Variants in SERPINB12 observed in about 807,000 individuals in gnomAD.
SERPINB12 encodes the protein serpin family B member 12.
In SERPINB12, 57 loss-of-function variants were observed where a neutral mutation model predicts 41.1. That is an observed-to-expected ratio of 1.39 (90% CI 1.12 to 1.73). The LOEUF (loss-of-function observed/expected upper bound fraction) is 1.73, where lower values mean the gene tolerates loss of function less well. Among genes scored for constraint, SERPINB12 ranks in the 40% most tolerant of loss-of-function variants. The pLI, the probability that SERPINB12 is intolerant of heterozygous loss-of-function variation, is 0.00. For synonymous variants in SERPINB12, 180 were observed against 181.3 expected, an observed-to-expected ratio of 0.99 and a Z score of 0.06; for missense variants, 536 against 501.9, an observed-to-expected ratio of 1.07 and a Z score of -0.65.
intron 5 of SERPINB12, among the ~76,000 whole-genome samples, chr18:63,561,513 A>T (rs1910910292): frequency 1.3e-5 from 2 of 152,276 alleles, no homozygotes; most frequent in South Asian, 4.1e-4. Context: ...CAGAGCTGTC[A>T]TTCGACCCAG....
At chr18:63,543,598 A>AT (rs1048622227) in intron 1 of SERPINB12, among the ~76,000 whole-genome samples, 32 of 74,176 alleles carry the variant, frequency 4.3e-4, no homozygotes, top group Admixed American at 1.1e-3. Flanking sequence ...ATTTTTATTT[A>AT]TTTTTTTTTT....
intron 1 of SERPINB12, among the ~76,000 whole-genome samples, chr18:63,545,212 TA>T (rs1487223144): frequency 1.5e-4 from 23 of 151,606 alleles, no homozygotes; most frequent in Admixed American, 2.6e-4. Context: ...GACATAGAAC[TA>T]TTTTTTTTTT....
chr18:63,564,804 G>C (rs1036899819), intron 6 of SERPINB12, among the ~76,000 whole-genome samples: 6 of 152,196 alleles, frequency 3.9e-5, no homozygotes, highest in Non-Finnish European at 8.8e-5. Context: ...CCCTACAGTG[G>C]GACAGCTGGC....
the SERPINB12 span, among the ~76,000 whole-genome samples, chr18:63,530,095 A>T: frequency 6.6e-6 from 1 of 152,070 alleles, no homozygotes; most frequent in Non-Finnish European, 1.5e-5. Flanking sequence ...GAGGTACATG[A>T]CTTCCTTCAT....
At chr18:63,531,862 C>A in the SERPINB12 span, among the ~76,000 whole-genome samples, 1 of 152,236 alleles carries the variant, frequency 6.6e-6, no homozygotes, top group Non-Finnish European at 1.5e-5. Context: ...TTAATCCAAA[C>A]TGTGGCACCC....
At chr18:63,541,812 A>G (rs1042158580), upstream of SERPINB12, among the ~76,000 whole-genome samples, 7 of 152,140 alleles carry the variant, frequency 4.6e-5, no homozygotes, top group African/African-American at 1.4e-4. Flanking sequence ...TTTATTTGCT[A>G]GGTACAGTCT....
At position 63,568,731 on chromosome 18, in the gene SERPINB12, T is replaced by C. The variant is rs1911200639; in HGVS notation, c.*1720T>C. Among the ~76,000 whole-genome samples the C allele has an allele frequency of 6.6e-6, 1 of 152,082 alleles. No homozygotes were observed. The highest frequency in any genetic ancestry group is 1.5e-5 in the Non-Finnish European group (1 of 67,992). Reference sequence around the variant, plus strand: ...CAGTCGTTCAGTGTGGCCACGCAGTTTTTTTGCAGAAGGCAGGTGAACCAC... The same window carrying C: ...CAGTCGTTCAGTGTGGCCACGCAGTCTTTTTGCAGAAGGCAGGTGAACCAC... On this transcript the variant is annotated 3_prime_UTR_variant, in exon 8 of 8. Transcript: ENST00000382768.
upstream of SERPINB12, among the ~76,000 whole-genome samples, chr18:63,539,496 T>C (rs983376792): frequency 3.3e-5 from 5 of 152,096 alleles, no homozygotes; most frequent in Non-Finnish European, 5.9e-5. Context: ...TATAGGGATA[T>C]GGGAGGATTG....
chr18:63,566,692 C>G lies in SERPINB12; in HGVS notation c.959C>G (p.Pro320Arg). 6.2e-7 allele frequency: 1 copy of G among 1,614,082 alleles called. No individual in the cohort carries two copies. The highest frequency in any genetic ancestry group is 8.5e-7 in the Non-Finnish European group (1 of 1,179,968). The change falls in exon 8 of 8, where the codon CCC (proline) becomes CGC (arginine). Residue 320 changes from proline (P) to arginine (R), a missense_variant. Physicochemically the swap from Pro to Arg is moderately radical, Grantham distance 103 (BLOSUM62 -2). Coordinates refer to ENST00000382768, the MANE Select transcript of SERPINB12 (RefSeq NM_001307928.2). ...MSEESVVLSFPRFTLEDSYDL... is the reference protein window; with the variant it reads ...MSEESVVLSFRRFTLEDSYDL... ...GAAGAATCGGTGGTCCTGTCCTTCC[C>G]CCGGTTCACCCTGGAAGACAGCTAT...
chr18:63,566,337 A>G (rs1911096698), intron 7 of SERPINB12, among the ~76,000 whole-genome samples: 1 of 152,246 alleles, frequency 6.6e-6, no homozygotes, highest in African/African-American at 2.4e-5. Context: ...TGGCCACAGA[A>G]CTCAACTAAT....
rs746903998 is a variant in SERPINB12 at position 63,566,786 on chromosome 18, T to A, written c.1053T>A (p.Thr351=). The change falls in exon 8 of 8, where the codon ACT becomes ACA. Residue 351 remains threonine (T), a synonymous_variant. Transcript: ENST00000382768. ...TTGATGAAACGAGGGCTGATCTTAC[T>A]GGAATCTCTCCAAGTCCCAATTTGT... ...DIFDETRADL[T]GISPSPNLYL... is the part of the protein sequence containing the mutation. 7 of 1,614,030 alleles carry A rather than the reference T, an allele frequency of 4.3e-6. No individual in the cohort carries two copies. The East Asian group carries it at 1.6e-4, about 36-fold the overall frequency.
upstream of SERPINB12, among the ~76,000 whole-genome samples, chr18:63,539,087 C>G (rs997807956): frequency 9.2e-5 from 14 of 152,124 alleles, no homozygotes; most frequent in African/African-American, 2.7e-4. Flanking sequence ...ACCTTTCTCT[C>G]TATGAGAAGA....
At chr18:63,541,116 A>G (rs1488804549), upstream of SERPINB12, among the ~76,000 whole-genome samples, 1 of 152,172 alleles carries the variant, frequency 6.6e-6, no homozygotes, top group African/African-American at 2.4e-5. Flanking sequence ...CAAAACTTTT[A>G]TTGCTTTGAC....
At chr18:63,545,173 T>C (rs921605753) in intron 1 of SERPINB12, among the ~76,000 whole-genome samples, 2 of 152,132 alleles carry the variant, frequency 1.3e-5, no homozygotes, top group African/African-American at 4.8e-5. Context: ...CTATACTTGA[T>C]GAAGTAAACA....
intron 1 of SERPINB12, among the ~76,000 whole-genome samples, chr18:63,552,305 A>G (rs951206234): frequency 1.3e-5 from 2 of 152,166 alleles, no homozygotes; most frequent in African/African-American, 2.4e-5. Context: ...ACTCATTTCT[A>G]TGGAAAATTA....
intron 1 of SERPINB12, among the ~76,000 whole-genome samples, chr18:63,547,963 T>G (rs1010264591): frequency 1.1e-4 from 16 of 152,166 alleles, no homozygotes; most frequent in African/African-American, 3.9e-4. Flanking sequence ...TCTCATGTGC[T>G]ACCATTGTGT....
chr18:63,541,236 C>T (rs1326461993), upstream of SERPINB12, among the ~76,000 whole-genome samples: 4 of 152,098 alleles, frequency 2.6e-5, no homozygotes, highest in African/African-American at 7.2e-5. Context: ...CCTCTTATTA[C>T]CTGGTTTATA....
the SERPINB12 span, among the ~76,000 whole-genome samples, chr18:63,532,141 A>G: frequency 6.6e-6 from 1 of 152,180 alleles, no homozygotes; most frequent in African/African-American, 2.4e-5. Context: ...TCTACTAGGG[A>G]AGACTGCAGA....
upstream of SERPINB12, among the ~76,000 whole-genome samples, chr18:63,538,634 T>C (rs1321984146): frequency 6.6e-6 from 1 of 152,204 alleles, no homozygotes; most frequent in Non-Finnish European, 1.5e-5. Context: ...GCTATTATGA[T>C]TAATATTGCT....
Sources: gnomAD v4.1 joint callset for allele counts (sites outside exome capture counted in the v4.1 genomes callset) on GRCh38, gnomAD v4.1.1 for gene constraint, MANE v1.5 for transcripts, NCBI Gene and HGNC (gene_info 2026-07-23, HGNC 2026-07-21) for gene names.